Variants in LAMC3 observed in about 807,000 individuals in gnomAD.
The protein encoded by LAMC3 is laminin subunit gamma 3, also known as laminin subunit gamma-3.
LAMC3 carries 128 observed loss-of-function variants against 173.8 expected under a neutral mutation model. The observed-to-expected ratio is 0.74, with a 90% CI of 0.64 to 0.85. LAMC3 has a LOEUF of 0.85. Ranked by LOEUF, LAMC3 falls within the 40% of genes least tolerant of loss-of-function variation. The pLI, the probability that LAMC3 is intolerant of heterozygous loss-of-function variation, is 0.00. For synonymous variants in LAMC3, 897 were observed against 909.1 expected (o/e 0.99, Z 0.24); for missense variants, 2,022 against 2,156.0 (o/e 0.94, Z 1.23).
In LAMC3 at chr9:131,052,910, C is replaced by T. The variant is rs762552193; in HGVS notation, c.1884C>T (p.Leu628=). 100 of 1,613,930 alleles carry T rather than the reference C, an allele frequency of 6.2e-5. No individual in the cohort carries two copies. The highest frequency in any genetic ancestry group is 8.3e-5 in the Admixed American group (5 of 60,028). ...PPLPPFHFQR[L]LANLTSLRLR... is the part of the protein sequence containing the mutation. ...TGCCCCCCTTCCACTTCCAGCGGCT[C>T]CTCGCCAACCTGACCAGCCTCCGCC... The change falls in exon 11 of 28, where the codon CTC becomes CTT. Residue 628 remains leucine, a synonymous_variant. Transcript: ENST00000361069.
At chr9:131,045,261 T>A (rs1337375373) in intron 7 of LAMC3, among the ~76,000 whole-genome samples, 1 of 138,432 alleles carries the variant, frequency 7.2e-6, no homozygotes, top group African/African-American at 2.7e-5. Flanking sequence ...AAACAAAACC[T>A]AATAAAGTCT....
rs1027336453 is a variant in LAMC3, at chr9:131,069,667, T to C, written c.2891-5T>C. On this transcript the variant is annotated splice_region_variant and splice_polypyrimidine_tract_variant and intron_variant, in intron 16 of 27. Coordinates refer to ENST00000361069, the MANE Select transcript of LAMC3 (RefSeq NM_006059.4). Reference sequence around the variant, plus strand: ...CCCAGCACGCACTGCCCCTGGCCCCTCTAGCCTGCAGGTGCTCCCCACTGG... The same window carrying C: ...CCCAGCACGCACTGCCCCTGGCCCCCCTAGCCTGCAGGTGCTCCCCACTGG... 1 of 1,599,188 alleles carries C rather than the reference T, an allele frequency of 6.3e-7. No individual in the cohort carries two copies. The highest frequency in any genetic ancestry group is 1.3e-5 in the African/African-American group (1 of 74,538).
At position 131,066,963 on chromosome 9, in the gene LAMC3, G is replaced by A. The variant is rs371815223; in HGVS notation, c.2351G>A (p.Arg784Gln). The change falls in exon 14 of 28, where the codon CGG (arginine) becomes CAG (glutamine). Residue 784 changes from arginine to glutamine, a missense_variant. Arg to Gln is a conservative substitution (Grantham distance 43). Transcript: ENST00000361069. ...CTHCPPGQRG[R>Q]RCEVCDDGFF... ...CACGTGCTCCCTCTACACACAGGGCGGCGCTGTGAGGTCTGTGATGATGGC... is the reference window on the plus strand; with the variant it reads ...CACGTGCTCCCTCTACACACAGGGCAGCGCTGTGAGGTCTGTGATGATGGC... 1.4e-4 allele frequency: 224 copies of A among 1,613,636 alleles called. No individual in the cohort carries two copies. The highest frequency in any genetic ancestry group is 1.6e-4 in the Non-Finnish European group (192 of 1,180,028).
At chr9:131,024,067 G>A (rs561618084) in intron 1 of LAMC3, among the ~76,000 whole-genome samples, 4 of 149,934 alleles carry the variant, frequency 2.7e-5, no homozygotes, top group Admixed American at 6.6e-5. Context: ...TGTGCTTTTC[G>A]TGTCATTTCT....
intron 4 of LAMC3, 71 bp from the exon 5 acceptor site, chr9:131,038,793 T>C: frequency 6.7e-7 from 1 of 1,502,808 alleles, no homozygotes. Flanking sequence ...ACAGGGAGGC[T>C]GACTGACACA....
intron 13 of LAMC3, among the ~76,000 whole-genome samples, chr9:131,066,067 CA>C (rs1372325062): frequency 3.3e-5 from 5 of 152,140 alleles, no homozygotes; most frequent in African/African-American, 1.2e-4. Flanking sequence ...TGGTGGCACA[CA>C]CCTGTAGTCC....
At chr9:131,033,298 G>A (rs777280705) in intron 3 of LAMC3, among the ~76,000 whole-genome samples, 13 of 152,316 alleles carry the variant, frequency 8.5e-5, no homozygotes, top group Admixed American at 5.9e-4. Context: ...AAACAGGTGC[G>A]TTCCTGCCCC....
At position 131,026,401 on chromosome 9, in the gene LAMC3, A is replaced by T; in HGVS notation, c.490A>T (p.Ser164Cys). The change falls in exon 2 of 28, where the codon AGC (serine) becomes TGC (cysteine). Residue 164 changes from serine to cysteine, a missense_variant. Ser to Cys is a moderately radical substitution (Grantham distance 112). Transcript: ENST00000361069. This position sits in a 1 kb window ranked among gnomAD's most constrained non-coding sequence, Gnocchi z 4.8. ...DGPWEPYQFY[S>C]ASCQKTYGRP... is the part of the protein sequence containing the mutation. ...CCCATGGGAGCCCTACCAGTTCTAC[A>T]GCGCCTCCTGCCAGAAGACCTACGG... The T allele has an allele frequency of 6.2e-7, 1 of 1,614,074 alleles. No individual in the cohort carries two copies. The highest frequency in any genetic ancestry group is 2.2e-5 in the East Asian group (1 of 44,890).
chr9:131,062,221 CGTG>C (rs1564381662), intron 13 of LAMC3, among the ~76,000 whole-genome samples: 2 of 150,584 alleles, frequency 1.3e-5, no homozygotes, highest in Admixed American at 1.3e-4. Flanking sequence ...ATTAGCCAGG[CGTG>C]GTGGCGGGCG....
chr9:131,038,610 GTCT>G (rs1564370867), intron 4 of LAMC3, among the ~76,000 whole-genome samples: 2 of 152,186 alleles, frequency 1.3e-5, no homozygotes, highest in South Asian at 2.1e-4. Context: ...GCCTGGGATG[GTCT>G]TCTTTCTGCC....
At position 131,073,970 on chromosome 9, in the gene LAMC3, G is replaced by A. The variant is rs537515765; in HGVS notation, c.3494+649G>A. 4.3e-4 allele frequency among the ~76,000 whole-genome samples: 58 copies of A among 134,778 alleles called. No individual in the cohort carries two copies. The East Asian group carries it at 7.6e-3, about 18-fold the overall frequency. The allele number at this position is 134,778 out of a possible 152,430, so 88.4% of individuals were successfully genotyped here. On this transcript the variant is annotated intron_variant, in intron 20 of 27. Transcript: ENST00000361069. ...TTTTTTTTTTTTTTTTTTTTGAGAC[G>A]GAGTCTCGCTCTGTCCCCCAGGCTG... is the stretch of plus-strand genomic sequence containing the variant.
At chr9:131,048,949 T>G (rs1834228403) in intron 8 of LAMC3, 71 bp from the exon 9 acceptor site, 2 of 928,474 alleles carry the variant, frequency 2.2e-6, no homozygotes, top group Non-Finnish European at 3.3e-6. Flanking sequence ...GGCCCCCACC[T>G]GGGGCTGGCA....
rs373930179 is a variant in LAMC3 at position 131,026,268 on chromosome 9, C to T, written c.374-17C>T. ...CCTTCCCCTTCCATAAAATGGGCCC[C>T]GTTTTCCTGGCTGCAGGGAAGGCTT... On this transcript the variant is annotated splice_polypyrimidine_tract_variant and intron_variant, in intron 1 of 27. Transcript: ENST00000361069. The surrounding 1 kb of genome is among the most constrained non-coding windows in gnomAD (Gnocchi z 4.8). 9.0e-5 allele frequency: 146 copies of T among 1,613,798 alleles called. No individual in the cohort carries two copies. Among genetic ancestry groups the T allele is most frequent in the East Asian group, 1.6e-4 (7 of 44,890 alleles).
At position 131,063,962 on chromosome 9, in the gene LAMC3, C is replaced by T. The variant is rs1489977678; in HGVS notation, c.2347+2739C>T. On this transcript the variant is annotated intron_variant, in intron 13 of 27. Coordinates refer to ENST00000361069, the MANE Select transcript of LAMC3 (RefSeq NM_006059.4). Reference sequence around the variant, plus strand: ...TCACTCTGTCCCCCAGGCTGGAGTGCGGTGGCATGATCTCAGCTCACTGCA... The same window carrying T: ...TCACTCTGTCCCCCAGGCTGGAGTGTGGTGGCATGATCTCAGCTCACTGCA... Among the ~76,000 whole-genome samples the T allele has an allele frequency of 5.9e-5, 9 of 152,186 alleles. No homozygotes were observed. The East Asian group carries it at 1.7e-3, about 29-fold the overall frequency.
rs1213315959 is a variant in LAMC3, at chr9:131,049,149, G to C, written c.1630+19G>C. On this transcript the variant is annotated intron_variant, in intron 9 of 27. Coordinates refer to ENST00000361069, the MANE Select transcript of LAMC3 (RefSeq NM_006059.4). Reference sequence around the variant, plus strand: ...GCACCAGGTACCTCCAGCACCAGGTGGGGGCTGGCCGCCCTGTGTCGGTTC... The same window carrying C: ...GCACCAGGTACCTCCAGCACCAGGTCGGGGCTGGCCGCCCTGTGTCGGTTC... 7 of 1,435,884 alleles carry C rather than the reference G, an allele frequency of 4.9e-6. No individual in the cohort carries two copies. The highest frequency in any genetic ancestry group is 6.7e-6 in the Non-Finnish European group (7 of 1,041,042). 88.9% of individuals were successfully genotyped at this position (1,435,884 alleles called of 1,614,324 possible). A position where few individuals can be genotyped will look rare whatever the true frequency, so the allele number is the denominator to read the frequency against.
intron 13 of LAMC3, among the ~76,000 whole-genome samples, chr9:131,061,695 T>A (rs1829827894): frequency 6.6e-6 from 1 of 152,202 alleles, no homozygotes; most frequent in Non-Finnish European, 1.5e-5. Flanking sequence ...CGACTCTGAT[T>A]TTTTTTAAAA....
At position 131,026,273 on chromosome 9, in the gene LAMC3, T is replaced by C. The variant is rs1564365594; in HGVS notation, c.374-12T>C. 1 of 1,614,046 alleles carries C rather than the reference T, an allele frequency of 6.2e-7. No individual in the cohort carries two copies. The highest frequency in any genetic ancestry group is 8.5e-7 in the Non-Finnish European group (1 of 1,180,000). On this transcript the variant is annotated splice_polypyrimidine_tract_variant and intron_variant, in intron 1 of 27. Transcript: ENST00000361069. The surrounding 1 kb of genome is among the most constrained non-coding windows in gnomAD (Gnocchi z 4.8). ...CCCTTCCATAAAATGGGCCCCGTTT[T>C]CCTGGCTGCAGGGAAGGCTTATGAG...
intron 2 of LAMC3, among the ~76,000 whole-genome samples, chr9:131,031,560 A>G (rs1833824444): frequency 6.6e-6 from 1 of 152,168 alleles, no homozygotes; most frequent in African/African-American, 2.4e-5. Context: ...TGAGCAGGGG[A>G]GAAGGTTGCG....
intron 1 of LAMC3, among the ~76,000 whole-genome samples, chr9:131,013,025 G>C (rs562236039): frequency 6.6e-6 from 1 of 152,378 alleles, no homozygotes; most frequent in East Asian, 1.9e-4. Context: ...CTGGGAGTCA[G>C]TGGGGTGTTG....
Sources: gnomAD v4.1 joint callset for allele counts (sites outside exome capture counted in the v4.1 genomes callset) on GRCh38, gnomAD v4.1.1 for gene constraint, Gnocchi (gnomAD v3.1) non-coding constraint, MANE v1.5 for transcripts, NCBI Gene and HGNC (gene_info 2026-07-23, HGNC 2026-07-21) for gene names.